The following KPNA5 variants were observed in gnomAD, a reference collection of about 807,000 sequenced individuals.
KPNA5 encodes the protein karyopherin subunit alpha 5, also known as importin subunit alpha-6.
In KPNA5, 46 loss-of-function variants were observed where a neutral mutation model predicts 71.3. That is an observed-to-expected ratio of 0.65 (90% CI 0.51 to 0.83). The LOEUF is 0.83. Ranked by LOEUF, KPNA5 falls within the 40% of genes least tolerant of loss-of-function variation. The pLI, the probability that KPNA5 is intolerant of heterozygous loss-of-function variation, is 0.00. For missense variants in KPNA5, 547 were observed against 628.3 expected, an observed-to-expected ratio of 0.87 and a Z score of 1.38; for synonymous variants, 207 against 201.4, an observed-to-expected ratio of 1.03 and a Z score of -0.24.
Position 116,733,287 on chromosome 6 carries a change from A to G in KPNA5, c.*964A>G, listed in dbSNP as rs566819787. 1.4e-5 allele frequency: 2 copies of G among 146,822 alleles called. No individual in the cohort carries two copies. The highest frequency in any genetic ancestry group is 4.4e-4 in the South Asian group (2 of 4,582). 9.1% of individuals were successfully genotyped at this position (146,822 alleles called of 1,614,324 possible). ...TACTAGTTTAAGTTTAAGTACAAGTACAAGTTTAGGTACTCGAATGACAAA... is the reference window on the plus strand; with the variant it reads ...TACTAGTTTAAGTTTAAGTACAAGTGCAAGTTTAGGTACTCGAATGACAAA... On this transcript the variant is annotated 3_prime_UTR_variant, in exon 14 of 14. Coordinates refer to ENST00000368564, the MANE Select transcript of KPNA5 (RefSeq NM_001366306.2).
chr6:116,729,073 G>A (rs1009396056), intron 12 of KPNA5, among the ~76,000 whole-genome samples: 1 of 151,368 alleles, frequency 6.6e-6, no homozygotes, highest in Admixed American at 6.6e-5. Flanking sequence ...AACATTAGCT[G>A]TGATTGTTTT....
intron 2 of KPNA5, among the ~76,000 whole-genome samples, chr6:116,689,914 A>G (rs542268621): frequency 2.0e-5 from 3 of 152,374 alleles, no homozygotes; most frequent in African/African-American, 7.2e-5. Context: ...TGTGACATAA[A>G]GAATATAAAA....
chr6:116,725,671 C>T, intron 10 of KPNA5, 80 bp from the exon 11 acceptor site: 1 of 1,246,020 alleles, frequency 8.0e-7, no homozygotes, highest in South Asian at 1.5e-5. Flanking sequence ...GGGTTTTGTA[C>T]ATCTAAATAA....
chr6:116,711,527 AT>A (rs1409242186), intron 7 of KPNA5, among the ~76,000 whole-genome samples: 2 of 119,450 alleles, frequency 1.7e-5, no homozygotes, highest in Non-Finnish European at 3.4e-5. Context: ...ATCTCAAAGT[AT>A]TTTCTGCATA....
chr6:116,705,620 C>T (rs563290893), intron 7 of KPNA5, among the ~76,000 whole-genome samples: 6 of 151,334 alleles, frequency 4.0e-5, no homozygotes, highest in African/African-American at 1.2e-4. Flanking sequence ...TACTACTTTA[C>T]GTATTTTTTT....
rs554275040 is a variant in KPNA5 at position 116,735,565 on chromosome 6, C to T, written c.*3242C>T. The T allele has an allele frequency of 6.6e-6, 1 of 151,398 alleles. No individual in the cohort carries two copies. The highest frequency in any genetic ancestry group is 2.4e-5 in the African/African-American group (1 of 41,318). 9.4% of individuals were successfully genotyped at this position (151,398 alleles called of 1,614,324 possible). On this transcript the variant is annotated 3_prime_UTR_variant, in exon 14 of 14. Coordinates refer to ENST00000368564, the MANE Select transcript of KPNA5 (RefSeq NM_001366306.2). The stretch of plus-strand genomic sequence containing the variant: ...GATATTCTTACCCTACTAAATAAAC[C>T]AACTTTTGAGTAGTATGCAATATTA...
chr6:116,681,501 C>G, intron 1 of KPNA5, 163 bp downstream of exon 1: 1 of 1,362,556 alleles, frequency 7.3e-7, no homozygotes, highest in Non-Finnish European at 9.5e-7. Context: ...AGGGCGACAG[C>G]GGTCGCGGGG....
chr6:116,711,674 T>G (rs139727015), intron 7 of KPNA5, among the ~76,000 whole-genome samples: 124 of 152,298 alleles, frequency 8.1e-4, no homozygotes, highest in Non-Finnish European at 1.3e-3. Context: ...AGAAGATACT[T>G]TTTATGATTT....
Position 116,721,003 on chromosome 6 carries a change from G to T in KPNA5, c.757-1123G>T, listed in dbSNP as rs776597701. On this transcript the variant is annotated intron_variant, in intron 8 of 13. Transcript: ENST00000368564. ...CTGATTTGTGTACATGAGTCCTAGG[G>T]TCATCTTTAGATGGTAACTACTTCC... 5.1e-4 allele frequency among the ~76,000 whole-genome samples: 78 copies of T among 152,156 alleles called. 1 individual carries two copies. Among genetic ancestry groups the T allele is most frequent in the Non-Finnish European group, 1.9e-4 (13 of 68,032 alleles).
chr6:116,681,253 C>A lies in KPNA5; in HGVS notation c.-82C>A. On this transcript the variant is annotated 5_prime_UTR_variant, in exon 1 of 14. Transcript: ENST00000368564. Reference sequence around the variant, plus strand: ...GGGTCGCTACGCTTCACGCCAGGGGCGGAGTGGCGGCCCTTCTGTTACCCG... The same window carrying A: ...GGGTCGCTACGCTTCACGCCAGGGGAGGAGTGGCGGCCCTTCTGTTACCCG... The A allele has an allele frequency of 1.3e-6, 2 of 1,577,594 alleles. No homozygotes were observed. Among genetic ancestry groups the A allele is most frequent in the Non-Finnish European group, 1.7e-6 (2 of 1,152,472 alleles).
At chr6:116,705,536 C>T (rs779283767) in intron 7 of KPNA5, among the ~76,000 whole-genome samples, 40 of 151,820 alleles carry the variant, frequency 2.6e-4, no homozygotes, top group Non-Finnish European at 4.7e-4. Context: ...ATTAAAAGAA[C>T]CAAGATTTTA....
intron 1 of KPNA5, among the ~76,000 whole-genome samples, chr6:116,686,849 T>C (rs1188221727): frequency 6.6e-6 from 1 of 152,162 alleles, no homozygotes. Context: ...GTTGTAGGTG[T>C]GTGGCCTTAT....
Position 116,735,288 on chromosome 6 carries a change from A to G in KPNA5, c.*2965A>G, listed in dbSNP as rs1779632520. ...AGAAGCATATATTACCTTTGCCTTTATATTTTTTCTTCTTTTAAGAAGGAG... is the reference window on the plus strand; with the variant it reads ...AGAAGCATATATTACCTTTGCCTTTGTATTTTTTCTTCTTTTAAGAAGGAG... On this transcript the variant is annotated 3_prime_UTR_variant, in exon 14 of 14. Transcript: ENST00000368564. 6.6e-6 allele frequency: 1 copy of G among 151,768 alleles called. No homozygotes were observed. Among genetic ancestry groups the G allele is most frequent in the South Asian group, 2.1e-4 (1 of 4,836 alleles). 9.4% of individuals were successfully genotyped at this position (151,768 alleles called of 1,614,324 possible).
chr6:116,707,919 C>T (rs899915124), intron 7 of KPNA5, among the ~76,000 whole-genome samples: 12 of 152,278 alleles, frequency 7.9e-5, no homozygotes, highest in Admixed American at 5.2e-4. Flanking sequence ...AGTCACATCC[C>T]GTTTTGCCAT....
At chr6:116,701,020 C>T (rs1778210120) in intron 5 of KPNA5, among the ~76,000 whole-genome samples, 1 of 152,096 alleles carries the variant, frequency 6.6e-6, no homozygotes, top group Non-Finnish European at 1.5e-5. Context: ...GTAGAGTAAC[C>T]TTTCAGTTGT....
Position 116,738,756 on chromosome 6 carries a change from A to G in KPNA5, c.*6433A>G, listed in dbSNP as rs1779761484. 6.6e-6 allele frequency: 1 copy of G among 152,218 alleles called. No individual in the cohort carries two copies. Among genetic ancestry groups the G allele is most frequent in the Admixed American group, 6.6e-5 (1 of 15,254 alleles). The allele number at this position is 152,218 out of a possible 1,614,324, so 9.4% of individuals were successfully genotyped here. Reference sequence around the variant, plus strand: ...CAGAACCAAAGACAAAAAACACATGATTATCTCAACAAATGCAGAAAAGGC... The same window carrying G: ...CAGAACCAAAGACAAAAAACACATGGTTATCTCAACAAATGCAGAAAAGGC... On this transcript the variant is annotated 3_prime_UTR_variant, in exon 14 of 14. Coordinates refer to ENST00000368564, the MANE Select transcript of KPNA5 (RefSeq NM_001366306.2).
In KPNA5 at chr6:116,737,868, CCTTA is replaced by C. The variant is rs1371120692; in HGVS notation, c.*5546_*5549del. 6.6e-6 allele frequency: 1 copy of C among 151,688 alleles called. No individual in the cohort carries two copies. The highest frequency in any genetic ancestry group is 2.4e-5 in the African/African-American group (1 of 41,332). 9.4% of individuals were successfully genotyped at this position (151,688 alleles called of 1,614,324 possible). On this transcript the variant is annotated 3_prime_UTR_variant, in exon 14 of 14. Transcript: ENST00000368564. The stretch of plus-strand genomic sequence containing the variant: ...GTGATTATAGTCTTTTTACTTATTT[CCTTA>C]GTTTTTGCTCATAATTTTAGAATTT...
chr6:116,697,083 C>A (rs1304049633), intron 4 of KPNA5, among the ~76,000 whole-genome samples: 1 of 151,776 alleles, frequency 6.6e-6, no homozygotes, highest in African/African-American at 2.4e-5. Context: ...AAGAGCAAGA[C>A]AAAATTTCTG....
intron 1 of KPNA5, among the ~76,000 whole-genome samples, chr6:116,682,921 T>G (rs1444004772): frequency 6.6e-6 from 1 of 152,240 alleles, no homozygotes; most frequent in Non-Finnish European, 1.5e-5. Flanking sequence ...TTAAAGCAAC[T>G]GCAGTGAGGA....
Sources: gnomAD v4.1 joint callset for allele counts (sites outside exome capture counted in the v4.1 genomes callset) on GRCh38, gnomAD v4.1.1 for gene constraint, MANE v1.5 for transcripts, NCBI Gene and HGNC (gene_info 2026-07-23, HGNC 2026-07-21) for gene names.